Variants in MROH1 observed in about 807,000 individuals in gnomAD.
MROH1 encodes maestro heat like repeat family member 1.
MROH1 carries 117 observed loss-of-function variants against 116.5 expected under a neutral mutation model. The ratio of observed to expected loss-of-function variants is 1.00; its 90% CI spans 0.86 to 1.17. The LOEUF (loss-of-function observed/expected upper bound fraction) is 1.17. Ranked by LOEUF, MROH1 falls within the 50% of genes most tolerant of loss-of-function variation. MROH1 has a pLI of 0.00. For synonymous variants in MROH1, 921 were observed against 583.9 expected (o/e 1.58, Z -8.32); for missense variants, 1,873 against 1,338.5 (o/e 1.40, Z -6.23).
chr8:144,187,988 G>A (rs1232975846), intron 7 of MROH1, among the ~76,000 whole-genome samples: 1 of 152,186 alleles, frequency 6.6e-6, no homozygotes, highest in Non-Finnish European at 1.5e-5. Context: ...TGTGAGGAGG[G>A]GTTTGTGGCG....
intron 1 of MROH1, among the ~76,000 whole-genome samples, chr8:144,155,357 C>T (rs1817781248): frequency 6.6e-6 from 1 of 152,154 alleles, no homozygotes; most frequent in African/African-American, 2.4e-5. Context: ...TAACTTCTTA[C>T]AACAGATTTG....
chr8:144,221,053 C>A (rs539116456), intron 13 of MROH1, among the ~76,000 whole-genome samples: 1 of 152,154 alleles, frequency 6.6e-6, no homozygotes, highest in South Asian at 2.1e-4. Flanking sequence ...TCCAGGAGGG[C>A]CCACACACAG....
rs1209043292 is a variant in MROH1, at chr8:144,182,529, G to C, written c.562+2006G>C. ...TCACGGGACAAGAGGTGTCACCATG[G>C]AGAAGCCACATTGAGAGAATAAAAC... is the stretch of plus-strand genomic sequence containing the variant. On this transcript the variant is annotated intron_variant, in intron 7 of 43. Coordinates refer to ENST00000326134, the MANE Select transcript of MROH1 (RefSeq NM_032450.3). The surrounding 1 kb of genome is among the most constrained non-coding windows in gnomAD (Gnocchi z 4.1). Among the ~76,000 whole-genome samples, 1 of 152,186 alleles carries C rather than the reference G, an allele frequency of 6.6e-6. No individual in the cohort carries two copies. Among genetic ancestry groups the C allele is most frequent in the Non-Finnish European group, 1.5e-5 (1 of 68,038 alleles).
rs7341598 is a variant in MROH1 at position 144,221,414 on chromosome 8, G to A, written c.1215+741G>A. Among the ~76,000 whole-genome samples, 978 of 152,222 alleles carry A rather than the reference G, an allele frequency of 6.4e-3. 10 individuals carry two copies. The highest frequency in any genetic ancestry group is 0.022 in the African/African-American group (922 of 41,540). On this transcript the variant is annotated intron_variant, in intron 13 of 43. Transcript: ENST00000326134. Reference sequence around the variant, plus strand: ...TAGCTTTGGGCGGGTGGATCTTTGCGAAAGTTAGGACTGCACCCAGGTTTG... The same window carrying A: ...TAGCTTTGGGCGGGTGGATCTTTGCAAAAGTTAGGACTGCACCCAGGTTTG...
chr8:144,217,894 G>A (rs991592042), intron 12 of MROH1, among the ~76,000 whole-genome samples: 2 of 142,050 alleles, frequency 1.4e-5, no homozygotes. Flanking sequence ...AGTATCCCTC[G>A]GGTGGCTGCG....
At chr8:144,153,438 C>T (rs1224242458) in intron 1 of MROH1, among the ~76,000 whole-genome samples, 2 of 152,162 alleles carry the variant, frequency 1.3e-5, no homozygotes, top group African/African-American at 4.8e-5. Context: ...CTCAGGTGAT[C>T]CACCTGCTTC....
intron 7 of MROH1, among the ~76,000 whole-genome samples, chr8:144,184,519 AG>A (rs2131423626): frequency 6.6e-6 from 1 of 152,390 alleles, no homozygotes; most frequent in East Asian, 1.9e-4. Context: ...GAGAAAGGAC[AG>A]GGTCCTACAA....
At chr8:144,178,571 G>T (rs1329067395) in intron 4 of MROH1, among the ~76,000 whole-genome samples, 2 of 152,208 alleles carry the variant, frequency 1.3e-5, no homozygotes, top group Non-Finnish European at 2.9e-5. Context: ...GCCTGTTCGG[G>T]TTTTTGCAGG....
chr8:144,166,563 G>T (rs1820882995), intron 3 of MROH1, among the ~76,000 whole-genome samples: 1 of 152,182 alleles, frequency 6.6e-6, no homozygotes, highest in South Asian at 2.1e-4. Context: ...CTGTCCAAGG[G>T]ATGAGCCACA....
chr8:144,165,691 C>A (rs970180029), intron 3 of MROH1, among the ~76,000 whole-genome samples: 4 of 151,958 alleles, frequency 2.6e-5, no homozygotes, highest in Non-Finnish European at 5.9e-5. Context: ...CCTCCCACCT[C>A]AGCCTCCTGA....
At position 144,182,842 on chromosome 8, in the gene MROH1, C is replaced by T. The variant is rs1368972489; in HGVS notation, c.562+2319C>T. On this transcript the variant is annotated intron_variant, in intron 7 of 43. Coordinates refer to ENST00000326134, the MANE Select transcript of MROH1 (RefSeq NM_032450.3). The surrounding 1 kb of genome is among the most constrained non-coding windows in gnomAD (Gnocchi z 4.1). ...CTGTAATCCCAGCACTTTGGAAAGC[C>T]GAAGCGGGCTGATCACTTGAGGTCA... 2.6e-5 allele frequency among the ~76,000 whole-genome samples: 4 copies of T among 152,086 alleles called. No homozygotes were observed. The highest frequency in any genetic ancestry group is 2.1e-4 in the South Asian group (1 of 4,814).
At chr8:144,259,214 G>A (rs1397121244) in intron 36 of MROH1, 26 bp from the exon 37 acceptor site, 13 of 710,446 alleles carry the variant, frequency 1.8e-5, no homozygotes, top group African/African-American at 5.2e-5. Context: ...AACAGCCCCT[G>A]CACCCTCAGC....
At chr8:144,246,024 TCCC>T (rs1841834278) in intron 29 of MROH1, among the ~76,000 whole-genome samples, 1 of 73,146 alleles carries the variant, frequency 1.4e-5, no homozygotes, top group East Asian at 4.1e-4. Context: ...TTTCCCTCCC[TCCC>T]TCACCTCCCT....
intron 35 of MROH1, among the ~76,000 whole-genome samples, chr8:144,256,205 C>T (rs1843736040): frequency 6.6e-6 from 1 of 152,110 alleles, no homozygotes; most frequent in South Asian, 2.1e-4. Context: ...GGGGCCATAG[C>T]ACAGACAGAG....
chr8:144,188,884 CT>C (rs930393087), intron 7 of MROH1, among the ~76,000 whole-genome samples: 5 of 152,086 alleles, frequency 3.3e-5, no homozygotes, highest in African/African-American at 1.2e-4. Context: ...TCTGAGCTGC[CT>C]TTTAAAGCAG....
At chr8:144,256,665 C>A (rs1843881528) in intron 35 of MROH1, among the ~76,000 whole-genome samples, 1 of 152,228 alleles carries the variant, frequency 6.6e-6, no homozygotes, top group Admixed American at 6.5e-5. Context: ...CCCCCAGGTG[C>A]CCCTTCACTG....
intron 43 of MROH1, 52 bp downstream of exon 43, chr8:144,261,401 C>T (rs1845031573): frequency 1.4e-6 from 1 of 700,366 alleles, no homozygotes; most frequent in Admixed American, 2.0e-5. Flanking sequence ...ACCCTGTAGG[C>T]ACCCGCAGGG....
At chr8:144,172,761 G>A (rs118189628) in intron 4 of MROH1, among the ~76,000 whole-genome samples, 40 of 152,054 alleles carry the variant, frequency 2.6e-4, no homozygotes, top group Non-Finnish European at 4.7e-4. Flanking sequence ...ATCCACCTAC[G>A]CCCTATAAGC....
intron 1 of MROH1, among the ~76,000 whole-genome samples, chr8:144,152,798 C>T (rs1321022811): frequency 1.3e-5 from 2 of 152,092 alleles, no homozygotes; most frequent in South Asian, 2.1e-4. Flanking sequence ...CTGCCCACCT[C>T]GGCCTCCCAA....
Sources: allele counts gnomAD v4.1 joint callset (sites outside exome capture counted in the v4.1 genomes callset), GRCh38; gene constraint gnomAD v4.1.1; non-coding constraint Gnocchi (gnomAD v3.1); transcripts MANE v1.5; gene names NCBI Gene and HGNC (gene_info 2026-07-23, HGNC 2026-07-21).